ATP10B: variants seen among roughly 807,000 people sequenced by gnomAD.
ATP10B encodes the protein phospholipid-transporting ATPase VB.
A neutral mutation model predicts 141.2 loss-of-function variants in ATP10B; 122 were observed. The observed-to-expected ratio is 0.86, with a 90% CI of 0.75 to 1.00. The LOEUF is 1.00. Among genes scored for constraint, ATP10B ranks in the 50% least tolerant of loss-of-function variants. The pLI, the probability that ATP10B is intolerant of heterozygous loss-of-function variation, is 0.00. For synonymous variants in ATP10B, 685 were observed against 692.0 expected (o/e 0.99, Z 0.16); for missense variants, 1,876 against 1,825.3 (o/e 1.03, Z -0.51).
chr5:160,634,232 CT>C, intron 12 of ATP10B, 121 bp downstream of exon 12: 4 of 1,409,426 alleles, frequency 2.8e-6, no homozygotes, highest in Non-Finnish European at 4.0e-6. Flanking sequence ...CAGGAAGCAA[CT>C]TGTGGAAATG....
intron 3 of ATP10B, among the ~76,000 whole-genome samples, chr5:160,697,878 C>G (rs1162763535): frequency 6.6e-6 from 1 of 152,178 alleles, no homozygotes; most frequent in Non-Finnish European, 1.5e-5. Flanking sequence ...TTTTAACCCC[C>G]GATTGGTTTT....
rs549509788 is a variant in ATP10B, at chr5:160,725,131, T to C, written c.-330-8097A>G. 6.6e-5 allele frequency among the ~76,000 whole-genome samples: 10 copies of C among 152,312 alleles called. No homozygotes were observed. In the East Asian group the frequency reaches 1.9e-3, roughly 29 times the overall value. ...TAAAAAAGTTTAAGATTAAAAAAGA[T>C]AATGATGTCTGATTTAGGAAAGAAA... On this transcript the variant is annotated intron_variant, in intron 2 of 25. Coordinates refer to ENST00000327245, the MANE Select transcript of ATP10B (RefSeq NM_025153.3).
the ATP10B span, among the ~76,000 whole-genome samples, chr5:160,922,225 C>T: frequency 3.3e-5 from 5 of 152,156 alleles, no homozygotes; most frequent in East Asian, 9.6e-4. Flanking sequence ...AGTCCACAGA[C>T]CTGGCACTGA....
At chr5:160,850,551 C>T (rs974648817) in intron 1 of ATP10B, among the ~76,000 whole-genome samples, 1 of 152,176 alleles carries the variant, frequency 6.6e-6, no homozygotes, top group African/African-American at 2.4e-5. Context: ...CATCTGTAAA[C>T]TAGGCAGCTA....
At chr5:160,879,898 G>C in the ATP10B span, among the ~76,000 whole-genome samples, 1 of 151,980 alleles carries the variant, frequency 6.6e-6, no homozygotes, top group Non-Finnish European at 1.5e-5. Flanking sequence ...TTGTATCAAG[G>C]TTTCAGGATA....
intron 2 of ATP10B, among the ~76,000 whole-genome samples, chr5:160,732,313 A>G (rs2915801): frequency 0.83 from 125,858 of 151,786 alleles, 52,375 homozygotes; most frequent in African/African-American, 0.88. Context: ...ACAGCAATAA[A>G]ATTATCAATT....
At position 160,636,169 on chromosome 5, in the gene ATP10B, G is replaced by C. The variant is rs1233484170; in HGVS notation, c.1128+13C>G. On this transcript the variant is annotated intron_variant, in intron 11 of 25. Transcript: ENST00000327245. ...ATATCTTATTGGGCCCCTAGTTAGG[G>C]AGGGCTTCCTACCTGGAGCAGGATG... is the stretch of plus-strand genomic sequence containing the variant. The C allele has an allele frequency of 1.9e-6, 3 of 1,587,500 alleles. No homozygotes were observed. Among genetic ancestry groups the C allele is most frequent in the African/African-American group, 1.4e-5 (1 of 73,704 alleles).
chr5:160,766,124 C>A (rs998245461), intron 2 of ATP10B, among the ~76,000 whole-genome samples: 8 of 149,778 alleles, frequency 5.3e-5, no homozygotes, highest in African/African-American at 2.0e-4. Context: ...ACTAGTATAA[C>A]CGCTGTGGAA....
intron 2 of ATP10B, among the ~76,000 whole-genome samples, chr5:160,763,573 G>A (rs185920490): frequency 9.3e-4 from 141 of 151,952 alleles, no homozygotes; most frequent in Non-Finnish European, 1.7e-3. Flanking sequence ...GTGCTAAAAG[G>A]AAAGTTCATA....
the ATP10B span, among the ~76,000 whole-genome samples, chr5:160,857,289 T>G: frequency 2.0e-5 from 3 of 151,476 alleles, no homozygotes; most frequent in Non-Finnish European, 4.4e-5. Context: ...TTTTGGTAGT[T>G]TGTATTTTTT....
intron 6 of ATP10B, among the ~76,000 whole-genome samples, chr5:160,675,597 C>T (rs936686522): frequency 6.6e-6 from 1 of 152,150 alleles, no homozygotes; most frequent in African/African-American, 2.4e-5. Flanking sequence ...TGGAACTTCC[C>T]ATTCCACACA....
intron 1 of ATP10B, among the ~76,000 whole-genome samples, chr5:160,793,203 A>AT (rs33964416): frequency 4.9e-3 from 717 of 146,794 alleles, no homozygotes; most frequent in South Asian, 0.022. Flanking sequence ...TCAAAGTTCC[A>AT]TTTTTTTTTT....
At chr5:160,656,297 A>G (rs1761487080) in intron 7 of ATP10B, among the ~76,000 whole-genome samples, 3 of 152,000 alleles carry the variant, frequency 2.0e-5, no homozygotes, top group African/African-American at 7.2e-5. Flanking sequence ...TATAATTGTG[A>G]TGGGAATTTA....
At chr5:160,861,504 A>G in the ATP10B span, among the ~76,000 whole-genome samples, 1 of 151,944 alleles carries the variant, frequency 6.6e-6, no homozygotes, top group Non-Finnish European at 1.5e-5. Context: ...GGTAAGTCAC[A>G]AAAGGGGGTC....
the ATP10B span, among the ~76,000 whole-genome samples, chr5:160,897,821 T>C: frequency 3.9e-5 from 6 of 152,130 alleles, no homozygotes; most frequent in African/African-American, 1.4e-4. Context: ...CAGAACAGCA[T>C]GGAACTGGTA....
chr5:160,563,594 A>C lies in ATP10B; in HGVS notation c.*1859T>G, dbSNP rs1754374519. 1 of 152,004 alleles carries C rather than the reference A, an allele frequency of 6.6e-6. No individual in the cohort carries two copies. Among genetic ancestry groups the C allele is most frequent in the Non-Finnish European group, 1.5e-5 (1 of 68,010 alleles). 9.4% of individuals were successfully genotyped at this position (152,004 alleles called of 1,614,324 possible). On this transcript the variant is annotated 3_prime_UTR_variant, in exon 26 of 26. Transcript: ENST00000327245. ...TACCACTGGGTTTCATGTAATTTTG[A>C]CTTAATACCTATGTCAAGCCTGGGA...
the ATP10B span, among the ~76,000 whole-genome samples, chr5:160,896,357 G>A: frequency 6.6e-6 from 1 of 151,996 alleles, no homozygotes; most frequent in Non-Finnish European, 1.5e-5. Flanking sequence ...AATGATAATG[G>A]GGATGTCACC....
intron 24 of ATP10B, among the ~76,000 whole-genome samples, chr5:160,588,266 C>T (rs1756047959): frequency 6.6e-6 from 1 of 152,146 alleles, no homozygotes; most frequent in East Asian, 1.9e-4. Context: ...CTGGCCAGAA[C>T]TTCAATACTA....
chr5:160,595,533 AC>A (rs1430778143), intron 22 of ATP10B, among the ~76,000 whole-genome samples: 1 of 152,232 alleles, frequency 6.6e-6, no homozygotes, highest in African/African-American at 2.4e-5. Flanking sequence ...GCAAGAAATA[AC>A]TAAGATCAGA....
Sources: gnomAD v4.1 joint callset for allele counts (sites outside exome capture counted in the v4.1 genomes callset) on GRCh38, gnomAD v4.1.1 for gene constraint, MANE v1.5 for transcripts, NCBI Gene and HGNC (gene_info 2026-07-23, HGNC 2026-07-21) for gene names.